DPCD: variants seen among roughly 807,000 people sequenced by gnomAD.
DPCD encodes the protein deleted in primary ciliary dyskinesia homolog (mouse).
DPCD carries 20 observed loss-of-function variants against 26.4 expected under a neutral mutation model. That is an observed-to-expected ratio of 0.76 (90% CI 0.53 to 1.10). DPCD has a LOEUF of 1.10. Ranked by LOEUF, DPCD falls within the 50% of genes least tolerant of loss-of-function variation. DPCD has a pLI of 0.00. For missense variants in DPCD, 202 were observed against 253.9 expected (o/e 0.80, Z 1.39); for synonymous variants, 97 against 94.2 (o/e 1.03, Z -0.17).
intron 1 of DPCD, among the ~76,000 whole-genome samples, 187 bp from the exon 2 acceptor site, chr10:101,594,471 A>AG (rs1267004799): frequency 6.6e-6 from 1 of 152,200 alleles, no homozygotes; most frequent in Non-Finnish European, 1.5e-5. Flanking sequence ...AGCTTCAGAA[A>AG]GGGAGAGAGT....
chr10:101,608,104 T>TG (rs2063745513), intron 4 of DPCD, among the ~76,000 whole-genome samples: 1 of 152,110 alleles, frequency 6.6e-6, no homozygotes, highest in African/African-American at 2.4e-5. Flanking sequence ...CTGTTCTATT[T>TG]TTTTTTTTAA....
chr10:101,609,281 A>G, intron 5 of DPCD, 86 bp from the exon 6 acceptor site: 2 of 1,245,968 alleles, frequency 1.6e-6, no homozygotes, highest in East Asian at 2.4e-5. Context: ...AAATAAGGGG[A>G]TCAGAAGGAG....
intron 1 of DPCD, among the ~76,000 whole-genome samples, chr10:101,589,647 A>G (rs2063568441): frequency 6.6e-6 from 1 of 152,146 alleles, no homozygotes; most frequent in Non-Finnish European, 1.5e-5. Context: ...TGGGAGGCCG[A>G]GTGGGCGGAT....
intron 1 of DPCD, among the ~76,000 whole-genome samples, chr10:101,591,987 A>T (rs1236465039): frequency 2.0e-5 from 3 of 152,140 alleles, no homozygotes; most frequent in African/African-American, 4.8e-5. Flanking sequence ...CGCCCAGCCC[A>T]TAATTTATAT....
Position 101,601,257 on chromosome 10 carries a change from C to A in DPCD, c.325C>A (p.Leu109Ile), listed in dbSNP as rs1256331369. 13 of 1,613,714 alleles carry A rather than the reference C, an allele frequency of 8.1e-6. No homozygotes were observed. The highest frequency in any genetic ancestry group is 1.7e-5 in the Admixed American group (1 of 59,992). The change falls in exon 4 of 6, where the codon CTC becomes ATC. Residue 109 changes from leucine (L) to isoleucine (I), a missense_variant. Around this residue, in one of 3 missense-constraint regions of DPCD, gnomAD observed 118 missense variants for 145.1 expected, o/e 0.81. Coordinates refer to ENST00000370151, the MANE Select transcript of DPCD (RefSeq NM_015448.3). ...KMSFQWRIRN[L>I]PYPKDVYSVS... Reference sequence around the variant, plus strand: ...GAGTTTCCAGTGGCGGATTCGAAACCTCCCCTATCCTAAGGATGTCTATAG... The same window carrying A: ...GAGTTTCCAGTGGCGGATTCGAAACATCCCCTATCCTAAGGATGTCTATAG...
chr10:101,603,353 T>TTTA lies in DPCD; in HGVS notation c.404+2030_404+2032dup, dbSNP rs2063711813. Among the ~76,000 whole-genome samples, 14 of 152,314 alleles carry TTTA rather than the reference T, an allele frequency of 9.2e-5. No homozygotes were observed. In the South Asian group the frequency reaches 2.9e-3, roughly 32 times the overall value. On this transcript the variant is annotated intron_variant, in intron 4 of 5. Transcript: ENST00000370151. This position sits in a 1 kb window ranked among gnomAD's most constrained non-coding sequence, Gnocchi z 4.6. ...TTATATAGAACTCAATGGGTATTCC[T>TTTA]TTATTATTATTATTAATTTGGAAGG...
chr10:101,591,094 G>A (rs1299851913), intron 1 of DPCD, among the ~76,000 whole-genome samples: 1 of 152,186 alleles, frequency 6.6e-6, no homozygotes, highest in Non-Finnish European at 1.5e-5. Context: ...AAGGACCAAG[G>A]GCTGTGCCTG....
intron 1 of DPCD, among the ~76,000 whole-genome samples, chr10:101,591,032 G>T (rs774875700): frequency 6.6e-6 from 1 of 152,042 alleles, no homozygotes; most frequent in Non-Finnish European, 1.5e-5. Flanking sequence ...CTGTAATATC[G>T]TTCATAAAGT....
intron 1 of DPCD, among the ~76,000 whole-genome samples, chr10:101,589,189 G>T (rs767527688): frequency 1.2e-4 from 19 of 152,296 alleles, no homozygotes; most frequent in Middle Eastern, 6.8e-3. Context: ...GAAGCCTGGA[G>T]TTTGTGGAAA....
intron 1 of DPCD, among the ~76,000 whole-genome samples, chr10:101,593,698 C>T (rs983804806): frequency 1.3e-5 from 2 of 152,132 alleles, no homozygotes; most frequent in African/African-American, 4.8e-5. Context: ...AAGCAATTCT[C>T]CTGCCTCAGA....
intron 1 of DPCD, among the ~76,000 whole-genome samples, chr10:101,594,229 A>G (rs2063633632): frequency 6.6e-6 from 1 of 152,066 alleles, no homozygotes; most frequent in Admixed American, 6.6e-5. Context: ...TTTTAAAAGT[A>G]TCATGGTATG....
chr10:101,595,156 G>C (rs982688378), intron 2 of DPCD, among the ~76,000 whole-genome samples: 1 of 152,178 alleles, frequency 6.6e-6, no homozygotes, highest in Non-Finnish European at 1.5e-5. Flanking sequence ...GAGTATCAGA[G>C]GCAGAGCTTC....
chr10:101,597,546 G>A (rs1043323387), intron 2 of DPCD, among the ~76,000 whole-genome samples: 19 of 152,200 alleles, frequency 1.2e-4, no homozygotes, highest in African/African-American at 4.6e-4. Flanking sequence ...AGCAGTCTGG[G>A]ACATCAGCCT....
Position 101,588,377 on chromosome 10 carries a change from A to G in DPCD, c.41A>G (p.Gln14Arg). ...TGWLESLRTA[Q>R]KTALLQDGRR... ...TGGTTGGAGAGTCTGCGGACAGCCC[A>G]GAAGACTGCGCTGCTGCAGGACGGT... Residue 14 changes from glutamine to arginine, a missense_variant, in exon 1 of 6, where the codon CAG (glutamine) becomes CGG (arginine). Gln to Arg is a conservative substitution (Grantham distance 43). Coordinates refer to ENST00000370151, the MANE Select transcript of DPCD (RefSeq NM_015448.3). The G allele has an allele frequency of 2.5e-6, 4 of 1,600,226 alleles. No individual in the cohort carries two copies. Among genetic ancestry groups the G allele is most frequent in the Non-Finnish European group, 3.4e-6 (4 of 1,172,054 alleles).
intron 1 of DPCD, among the ~76,000 whole-genome samples, chr10:101,589,018 A>T (rs1015267664): frequency 2.6e-5 from 4 of 152,200 alleles, no homozygotes; most frequent in African/African-American, 9.6e-5. Context: ...GGGCATGGAT[A>T]CCTAACTTTT....
intron 1 of DPCD, among the ~76,000 whole-genome samples, chr10:101,591,070 A>T (rs1398406259): frequency 6.6e-6 from 1 of 152,124 alleles, no homozygotes; most frequent in African/African-American, 2.4e-5. Context: ...CTGTGTTTTT[A>T]GGGGAGATAG....
chr10:101,601,754 C>A (rs1392865616), intron 4 of DPCD, among the ~76,000 whole-genome samples: 1 of 151,906 alleles, frequency 6.6e-6, no homozygotes, highest in Non-Finnish European at 1.5e-5. Flanking sequence ...TTGGAAGGCA[C>A]CCCTGTCTGA....
chr10:101,589,432 G>T (rs947137415), intron 1 of DPCD, among the ~76,000 whole-genome samples: 1 of 152,230 alleles, frequency 6.6e-6, no homozygotes, highest in Non-Finnish European at 1.5e-5. Flanking sequence ...CAGAAGTGAT[G>T]ATGTTTCTGG....
intron 3 of DPCD, 127 bp from the exon 4 acceptor site, chr10:101,601,076 T>G: frequency 6.7e-7 from 1 of 1,489,232 alleles, no homozygotes; most frequent in Non-Finnish European, 9.1e-7. Flanking sequence ...GCTGTAGCAA[T>G]AGCAGCGTCA....
Sources: gnomAD v4.1 joint callset for allele counts (sites outside exome capture counted in the v4.1 genomes callset) on GRCh38, gnomAD v4.1.1 for gene constraint, gnomAD v4.1.1 regional missense constraint, Gnocchi (gnomAD v3.1) non-coding constraint, MANE v1.5 for transcripts, NCBI Gene and HGNC (gene_info 2026-07-23, HGNC 2026-07-21) for gene names.